LMX1A: variants seen among roughly 807,000 people sequenced by gnomAD.
LMX1A encodes LIM homeobox transcription factor 1-alpha.
A neutral mutation model predicts 49.1 loss-of-function variants in LMX1A; 15 were observed. That is an observed-to-expected ratio of 0.31 (90% CI 0.20 to 0.47). LMX1A has a LOEUF of 0.47. Among genes scored for constraint, LMX1A ranks in the 20% least tolerant of loss-of-function variants. The pLI, the probability that LMX1A is intolerant of heterozygous loss-of-function variation, is 1.00. For synonymous variants in LMX1A, 167 were observed against 185.7 expected, an observed-to-expected ratio of 0.90 and a Z score of 0.82; for missense variants, 372 against 475.8, an observed-to-expected ratio of 0.78 and a Z score of 2.03.
intron 5 of LMX1A, 110 bp downstream of exon 5, chr1:165,213,531 C>A: frequency 2.0e-6 from 2 of 1,006,946 alleles, no homozygotes; most frequent in Non-Finnish European, 3.0e-6. Context: ...TCTGTCTGAA[C>A]AGCCTTCCTC....
chr1:165,335,801 A>AT (rs970591106), intron 3 of LMX1A, among the ~76,000 whole-genome samples: 4 of 151,744 alleles, frequency 2.6e-5, no homozygotes, highest in African/African-American at 9.7e-5. Context: ...CTTGTTCTTG[A>AT]TTTTTTTTCT....
intron 3 of LMX1A, among the ~76,000 whole-genome samples, chr1:165,343,831 G>A (rs1355813630): frequency 1.3e-5 from 2 of 152,178 alleles, no homozygotes; most frequent in African/African-American, 4.8e-5. Context: ...CTCCACTAGT[G>A]GTTCCAGTCT....
intron 4 of LMX1A, among the ~76,000 whole-genome samples, chr1:165,233,858 A>G (rs1652325160): frequency 6.6e-6 from 1 of 152,194 alleles, no homozygotes; most frequent in Non-Finnish European, 1.5e-5. Context: ...GGATTCACGA[A>G]GTATTGAAGG....
chr1:165,299,795 G>T (rs1654721436), intron 3 of LMX1A, among the ~76,000 whole-genome samples: 1 of 146,800 alleles, frequency 6.8e-6, no homozygotes, highest in Non-Finnish European at 1.5e-5. Flanking sequence ...AAAAGTAGTA[G>T]TATTATTTTA....
At chr1:165,354,120 T>C (rs940958350) in intron 2 of LMX1A, among the ~76,000 whole-genome samples, 5 of 152,136 alleles carry the variant, frequency 3.3e-5, no homozygotes, top group African/African-American at 1.2e-4. Context: ...TGGCCACCTA[T>C]ATTGGCACTT....
At chr1:165,320,568 G>T (rs530403368) in intron 3 of LMX1A, among the ~76,000 whole-genome samples, 1 of 152,358 alleles carries the variant, frequency 6.6e-6, no homozygotes, top group East Asian at 1.9e-4. Context: ...CAGTACTCTA[G>T]TAGGGGGCTC....
intron 3 of LMX1A, among the ~76,000 whole-genome samples, chr1:165,300,851 C>T (rs1033654532): frequency 3.9e-5 from 6 of 152,118 alleles, no homozygotes; most frequent in Non-Finnish European, 8.8e-5. Context: ...ATTCATGATT[C>T]CCAGGATGTC....
chr1:165,343,110 T>G (rs978581778), intron 3 of LMX1A, among the ~76,000 whole-genome samples: 11 of 152,174 alleles, frequency 7.2e-5, no homozygotes, highest in African/African-American at 2.7e-4. Context: ...TTTCAGCAAA[T>G]CATTTTACAG....
intron 3 of LMX1A, among the ~76,000 whole-genome samples, chr1:165,334,133 T>C (rs1571228590): frequency 6.6e-6 from 1 of 152,140 alleles, no homozygotes; most frequent in Non-Finnish European, 1.5e-5. Context: ...ACAAAACAGT[T>C]GCACCACTAA....
chr1:165,220,224 C>T (rs1435348202), intron 4 of LMX1A, among the ~76,000 whole-genome samples: 3 of 151,384 alleles, frequency 2.0e-5, no homozygotes, highest in Admixed American at 2.0e-4. Context: ...GTAAAAGATA[C>T]TAAAGTATAT....
At chr1:165,280,777 A>G (rs1654122264) in intron 3 of LMX1A, among the ~76,000 whole-genome samples, 1 of 152,142 alleles carries the variant, frequency 6.6e-6, no homozygotes, top group Non-Finnish European at 1.5e-5. Flanking sequence ...AAACACAAAC[A>G]GTACTGAACT....
chr1:165,351,157 T>A (rs1014427796), intron 3 of LMX1A, among the ~76,000 whole-genome samples: 13 of 144,802 alleles, frequency 9.0e-5, no homozygotes, highest in African/African-American at 3.3e-4. Context: ...TAAGCCTTCT[T>A]TGATTCGTGA....
chr1:165,313,011 G>A (rs1347156484), intron 3 of LMX1A, among the ~76,000 whole-genome samples: 1 of 151,940 alleles, frequency 6.6e-6, no homozygotes, highest in Admixed American at 6.6e-5. Flanking sequence ...AATATCAGAG[G>A]GAAAAAAAAG....
chr1:165,322,741 T>A (rs954307353), intron 3 of LMX1A, among the ~76,000 whole-genome samples: 1 of 152,176 alleles, frequency 6.6e-6, no homozygotes, highest in South Asian at 2.1e-4. Flanking sequence ...TGGAATTAGA[T>A]AATGGTTGCA....
intron 3 of LMX1A, among the ~76,000 whole-genome samples, chr1:165,284,183 T>C (rs1212343894): frequency 6.6e-6 from 1 of 152,248 alleles, no homozygotes; most frequent in East Asian, 1.9e-4. Context: ...ATGACTGTAA[T>C]ATCAGCCTTG....
intron 3 of LMX1A, among the ~76,000 whole-genome samples, chr1:165,313,248 A>G (rs1243130095): frequency 1.3e-5 from 2 of 152,196 alleles, no homozygotes; most frequent in African/African-American, 4.8e-5. Context: ...TTCAAGAGGG[A>G]GCAGCAGATG....
chr1:165,208,192 A>G (rs1425954170), intron 6 of LMX1A, 60 bp from the exon 7 acceptor site: 1 of 1,508,256 alleles, frequency 6.6e-7, no homozygotes. Context: ...TTCACAAAGT[A>G]AGGGGGGGCC....
chr1:165,326,205 G>C (rs1040570396), intron 3 of LMX1A, among the ~76,000 whole-genome samples: 11 of 152,210 alleles, frequency 7.2e-5, no homozygotes, highest in African/African-American at 2.4e-4. Context: ...GGAGGGGAAG[G>C]GGGGTAGATG....
chr1:165,326,001 AG>A (rs990845642), intron 3 of LMX1A, among the ~76,000 whole-genome samples: 1 of 107,910 alleles, frequency 9.3e-6, no homozygotes, highest in African/African-American at 3.2e-5. Context: ...GAGTAATCCC[AG>A]GGGGGCTCCC....
Sources: gnomAD v4.1 joint callset for allele counts (sites outside exome capture counted in the v4.1 genomes callset) on GRCh38, gnomAD v4.1.1 for gene constraint, MANE v1.5 for transcripts, NCBI Gene and HGNC (gene_info 2026-07-23, HGNC 2026-07-21) for gene names.